The following CCDC33 variants were observed in gnomAD, a reference collection of about 807,000 sequenced individuals.
The protein encoded by CCDC33 is coiled-coil domain containing 33.
Under a neutral mutation model 91.9 loss-of-function variants are expected in CCDC33, and 94 were observed. That is an observed-to-expected ratio of 1.02 (90% confidence interval 0.87 to 1.21). The LOEUF is 1.21. CCDC33 is among the 50% of genes most tolerant of loss of function. The probability of loss-of-function intolerance (pLI) is 0.00; values close to 1 mark genes in which losing one functional copy is unlikely to be tolerated. For synonymous variants in CCDC33, 396 were observed against 374.5 expected, an observed-to-expected ratio of 1.06 and a Z score of -0.66; for missense variants, 940 against 935.5, an observed-to-expected ratio of 1.00 and a Z score of -0.06.
At position 74,268,405 on chromosome 15, in the gene CCDC33, C is replaced by T. The variant is rs781660538; in HGVS notation, c.493C>T (p.Arg165Trp). The T allele has an allele frequency of 1.6e-5, 26 of 1,592,376 alleles. No homozygotes were observed. Among genetic ancestry groups the T allele is most frequent in the South Asian group, 1.4e-4 (13 of 90,542 alleles). Residue 165 changes from arginine (R) to tryptophan (W), a missense_variant, in exon 5 of 19, where the codon CGG (arginine) becomes TGG (tryptophan). Coordinates refer to ENST00000398814, the MANE Select transcript of CCDC33 (RefSeq NM_025055.5). ...GACCCAGTTGTACGCAACAGTCGTT[C>T]GGAAGAGCAGCTTCATACCCCGCTA... ...AKTQLYATVVRKSSFIPRYIG... is the reference protein window; with the variant it reads ...AKTQLYATVVWKSSFIPRYIG...
At chr15:74,265,742 G>A (rs922402683) in intron 3 of CCDC33, among the ~76,000 whole-genome samples, 5 of 152,206 alleles carry the variant, frequency 3.3e-5, no homozygotes, top group South Asian at 4.1e-4. Flanking sequence ...AGTTTTTACC[G>A]GCCGGGTGCG....
intron 11 of CCDC33, among the ~76,000 whole-genome samples, chr15:74,326,155 T>C (rs1596128007): frequency 6.6e-6 from 1 of 152,072 alleles, no homozygotes; most frequent in Non-Finnish European, 1.5e-5. Context: ...CAAGGCCCCA[T>C]CTTTACAAAA....
In CCDC33 at chr15:74,268,527, C is replaced by T. The variant is rs776405964; in HGVS notation, c.546+69C>T. On this transcript the variant is annotated intron_variant, in intron 5 of 18. Transcript: ENST00000398814. ...AGGGCCAAGCTTTGAGCAGGCCCCA[C>T]GCCTTGCCCTTAGCCCCCTCTGGCT... 26 of 1,219,300 alleles carry T rather than the reference C, an allele frequency of 2.1e-5. 1 individual carries two copies. The highest frequency in any genetic ancestry group is 2.0e-4 in the Middle Eastern group (1 of 4,922). The allele number at this position is 1,219,300 out of a possible 1,614,324, so 75.5% of individuals were successfully genotyped here. A position where few individuals can be genotyped will look rare whatever the true frequency, so the allele number is the denominator to read the frequency against.
chr15:74,224,337 G>C (rs1029305657), intron 2 of CCDC33, among the ~76,000 whole-genome samples: 3 of 152,182 alleles, frequency 2.0e-5, no homozygotes, highest in Non-Finnish European at 4.4e-5. Context: ...TCCATTCATG[G>C]GGTCCCTGAA....
intron 4 of CCDC33, among the ~76,000 whole-genome samples, chr15:74,267,161 C>A (rs909456054): frequency 1.3e-5 from 2 of 152,206 alleles, no homozygotes; most frequent in Non-Finnish European, 2.9e-5. Flanking sequence ...CATTTCACAC[C>A]CCCTCTCTAA....
chr15:74,325,350 C>T (rs2060288629), intron 11 of CCDC33, among the ~76,000 whole-genome samples: 1 of 152,054 alleles, frequency 6.6e-6, no homozygotes, highest in South Asian at 2.1e-4. Context: ...CCTGCCTTTG[C>T]CACAGTGTCT....
At chr15:74,222,359 ACTCC>A (rs1357484946) in intron 2 of CCDC33, among the ~76,000 whole-genome samples, 3 of 151,952 alleles carry the variant, frequency 2.0e-5, no homozygotes, top group Non-Finnish European at 4.4e-5. Context: ...AAGGCCGGGA[ACTCC>A]CTCCCACACA....
chr15:74,217,164 T>TG, upstream of CCDC33: 1 of 754,088 alleles, frequency 1.3e-6, no homozygotes, highest in Non-Finnish European at 1.8e-6. Context: ...CAGAGGTGGG[T>TG]GGGGAGTGTC....
chr15:74,251,696 C>T (rs1490074458), intron 2 of CCDC33, among the ~76,000 whole-genome samples: 1 of 152,078 alleles, frequency 6.6e-6, no homozygotes, highest in Non-Finnish European at 1.5e-5. Flanking sequence ...CTTAGATAAG[C>T]CTGAGAGCCC....
rs1032722345 is a variant in CCDC33 at position 74,207,154 on chromosome 15, G to A, written n.90-2234G>A. 2.0e-5 allele frequency among the ~76,000 whole-genome samples: 3 copies of A among 152,266 alleles called. No individual in the cohort carries two copies. The South Asian group carries it at 6.2e-4, about 32-fold the overall frequency. On this transcript the variant is annotated intron_variant and non_coding_transcript_variant, in intron 1 of 3. Coordinates refer to the CCDC33 transcript ENST00000558645. ...TTTGCATCCAGGAGCAGAGGCCCAC[G>A]TGCATTTCTGCGGGAGCCTGTGATT...
chr15:74,225,608 A>C (rs2074770487), intron 2 of CCDC33, among the ~76,000 whole-genome samples: 1 of 151,740 alleles, frequency 6.6e-6, no homozygotes, highest in South Asian at 2.1e-4. Flanking sequence ...ATCCTCCCAC[A>C]CACAGACTCG....
In CCDC33 at chr15:74,331,257, C is replaced by A. The variant is rs1355188547; in HGVS notation, c.1732C>A (p.Pro578Thr). 3 of 1,614,160 alleles carry A rather than the reference C, an allele frequency of 1.9e-6. No individual in the cohort carries two copies. Among genetic ancestry groups the A allele is most frequent in the Non-Finnish European group, 2.5e-6 (3 of 1,179,994 alleles). ...LEDRLQDRSK[P>T]PPLNRQQGKP... is the part of the protein sequence containing the mutation. The stretch of plus-strand genomic sequence containing the variant: ...GGACAGGCTGCAGGACAGGAGCAAG[C>A]CCCCTCCTCTGAACAGGCAGCAGGG... The change falls in exon 15 of 19, where the codon CCC becomes ACC. Residue 578 changes from proline (P) to threonine (T), a missense_variant. Pro to Thr is a conservative substitution (Grantham distance 38). Coordinates refer to ENST00000398814, the MANE Select transcript of CCDC33 (RefSeq NM_025055.5).
chr15:74,203,294 C>T, intron 1 of CCDC33: 6 of 808,530 alleles, frequency 7.4e-6, no homozygotes, highest in South Asian at 5.6e-5. Context: ...AAACCAGACC[C>T]ACGGGTAGGC....
chr15:74,226,768 C>T (rs1295414616), intron 2 of CCDC33, among the ~76,000 whole-genome samples: 8 of 149,032 alleles, frequency 5.4e-5, no homozygotes, highest in Non-Finnish European at 1.0e-4. Flanking sequence ...GCAGAGGTTG[C>T]GGTGAGCCAA....
At chr15:74,265,986 C>T (rs997566787) in intron 3 of CCDC33, among the ~76,000 whole-genome samples, 17 of 152,164 alleles carry the variant, frequency 1.1e-4, no homozygotes, top group African/African-American at 3.9e-4. Context: ...ATCATGCCAC[C>T]ACACTCCAGC....
intron 10 of CCDC33, among the ~76,000 whole-genome samples, chr15:74,287,171 A>G (rs1312225633): frequency 6.6e-6 from 1 of 152,132 alleles, no homozygotes; most frequent in Admixed American, 6.5e-5. Flanking sequence ...TTTCTTCCCC[A>G]AGCACAGCGG....
intron 17 of CCDC33, among the ~76,000 whole-genome samples, chr15:74,334,471 CGACCAGG>C (rs2060518086): frequency 1.5e-5 from 2 of 134,592 alleles, no homozygotes; most frequent in African/African-American, 6.1e-5. Context: ...GTTCAGTGTG[CGACCAGG>C]GTTAGGGTTC....
chr15:74,212,769 C>G (rs1411935290), upstream of CCDC33: 1 of 152,156 alleles, frequency 6.6e-6, no homozygotes, highest in Admixed American at 6.5e-5. Flanking sequence ...GTGTCTCAGG[C>G]CCGTTTTCCC....
chr15:74,280,577 G>A (rs181628443), intron 8 of CCDC33, 91 bp from the exon 9 acceptor site: 48,940 of 1,383,046 alleles, frequency 0.035, 1,362 homozygotes, highest in African/African-American at 0.12. Flanking sequence ...AAAGCAGGCA[G>A]CGGGAGACAG....
Sources: gnomAD v4.1 joint callset for allele counts (sites outside exome capture counted in the v4.1 genomes callset) on GRCh38, gnomAD v4.1.1 for gene constraint, MANE v1.5 for transcripts, NCBI Gene and HGNC (gene_info 2026-07-23, HGNC 2026-07-21) for gene names.